Variants in PLEKHH1 observed in about 807,000 individuals in gnomAD.
PLEKHH1 encodes the protein pleckstrin homology domain-containing family H member 1.
PLEKHH1 carries 104 observed loss-of-function variants against 160.0 expected under a neutral mutation model. That is an observed-to-expected ratio of 0.65 (90% CI 0.55 to 0.76). The LOEUF is 0.76. Ranked by LOEUF, PLEKHH1 falls within the 30% of genes least tolerant of loss-of-function variation. PLEKHH1 has a pLI of 0.00. For synonymous variants in PLEKHH1, 619 were observed against 678.4 expected, an observed-to-expected ratio of 0.91 and a Z score of 1.36; for missense variants, 1,427 against 1,724.1, an observed-to-expected ratio of 0.83 and a Z score of 3.05.
In PLEKHH1 at chr14:67,562,408, G is replaced by A. The variant is rs2034882260; in HGVS notation, c.777G>A (p.Leu259=). ...TVEAKPLQPH[L]GRESPPHQPC... ...AGGCCAAGCCCCTTCAACCTCATCT[G>A]GGAAGAGAGAGCCCTCCCCACCAGC... The change falls in exon 7 of 29, where the codon CTG becomes CTA. Residue 259 remains leucine, a synonymous_variant. Coordinates refer to ENST00000329153, the MANE Select transcript of PLEKHH1 (RefSeq NM_020715.3). The A allele has an allele frequency of 5.6e-6, 9 of 1,613,760 alleles. No individual in the cohort carries two copies. The highest frequency in any genetic ancestry group is 7.6e-6 in the Non-Finnish European group (9 of 1,179,772).
rs1349444282 is a variant in PLEKHH1 at position 67,585,936 on chromosome 14, G to C, written c.3787-15G>C. 3.7e-6 allele frequency: 6 copies of C among 1,606,412 alleles called. No individual in the cohort carries two copies. In the African/African-American group the frequency reaches 4.0e-5, roughly 11 times the overall value. ...GTGGAAAGTTTCCCCACAACTGACT[G>C]GTTCCTTTCCACAGCAAGTGCACAT... On this transcript the variant is annotated splice_polypyrimidine_tract_variant and intron_variant, in intron 27 of 28. Coordinates refer to ENST00000329153, the MANE Select transcript of PLEKHH1 (RefSeq NM_020715.3).
At chr14:67,572,655 C>T (rs2035445174) in intron 11 of PLEKHH1, among the ~76,000 whole-genome samples, 1 of 152,188 alleles carries the variant, frequency 6.6e-6, no homozygotes, top group African/African-American at 2.4e-5. Flanking sequence ...GGCATTGTCT[C>T]ATTTGTCCTC....
intron 1 of PLEKHH1, 174 bp downstream of exon 1, chr14:67,533,572 T>G (rs974534536): frequency 6.6e-6 from 1 of 151,690 alleles, no homozygotes; most frequent in African/African-American, 2.4e-5. Context: ...GGGTCTGGCT[T>G]GGGAAGCCGG....
At chr14:67,567,153 C>G (rs576962676) in intron 7 of PLEKHH1, among the ~76,000 whole-genome samples, 6 of 151,004 alleles carry the variant, frequency 4.0e-5, no homozygotes, top group Non-Finnish European at 7.4e-5. Context: ...TTCCGTGTTC[C>G]GGGGAGAGCT....
chr14:67,537,841 C>T (rs1219454641), intron 1 of PLEKHH1, among the ~76,000 whole-genome samples: 1 of 152,182 alleles, frequency 6.6e-6, no homozygotes, highest in Non-Finnish European at 1.5e-5. Context: ...CAGCCCCTGC[C>T]TCTGGGGCAT....
chr14:67,574,991 C>G lies in PLEKHH1; in HGVS notation c.2089-401C>G, dbSNP rs1437822207. Among the ~76,000 whole-genome samples, 1 of 152,216 alleles carries G rather than the reference C, an allele frequency of 6.6e-6. No individual in the cohort carries two copies. The highest frequency in any genetic ancestry group is 1.5e-5 in the Non-Finnish European group (1 of 68,034). On this transcript the variant is annotated intron_variant, in intron 14 of 28. Coordinates refer to ENST00000329153, the MANE Select transcript of PLEKHH1 (RefSeq NM_020715.3). The surrounding 1 kb of genome is among the most constrained non-coding windows in gnomAD (Gnocchi z 4.2). ...CGTTCAATCTGTTTATGTCATTCTC[C>G]TTCGCCCGTGTGCAGCTTCTGTTCC...
Position 67,577,348 on chromosome 14 carries a change from C to T in PLEKHH1, c.2508C>T (p.Gly836=). The change falls in exon 18 of 29, where the codon GGC becomes GGT. Residue 836 remains glycine, a synonymous_variant. Transcript: ENST00000329153. ...RHPMLCYSKD[G]LYASLTTLPS... is the part of the protein sequence containing the mutation. ...CCATGCTGTGCTACAGCAAAGACGGCCTATACGCCTCCCTCACCACCCTGC... is the reference window on the plus strand; with the variant it reads ...CCATGCTGTGCTACAGCAAAGACGGTCTATACGCCTCCCTCACCACCCTGC... 6.3e-7 allele frequency: 1 copy of T among 1,586,360 alleles called. No homozygotes were observed. Among genetic ancestry groups the T allele is most frequent in the Non-Finnish European group, 8.6e-7 (1 of 1,166,844 alleles).
intron 7 of PLEKHH1, 79 bp downstream of exon 7, chr14:67,562,973 G>C (rs1053848306): frequency 1.4e-6 from 2 of 1,423,604 alleles, no homozygotes; most frequent in Non-Finnish European, 1.9e-6. Context: ...GCCATGCACT[G>C]AGCAGGAGAG....
chr14:67,575,309 C>A, intron 14 of PLEKHH1, 83 bp from the exon 15 acceptor site: 1 of 784,344 alleles, frequency 1.3e-6, no homozygotes, highest in Non-Finnish European at 2.1e-6. Context: ...AAATCTGTCT[C>A]CCTGTGGCTT....
intron 5 of PLEKHH1, among the ~76,000 whole-genome samples, chr14:67,559,941 T>C (rs556545841): frequency 6.6e-6 from 1 of 152,346 alleles, no homozygotes; most frequent in Non-Finnish European, 1.5e-5. Flanking sequence ...GGAATGTGTC[T>C]CACTTCTGAA....
intron 28 of PLEKHH1, 174 bp downstream of exon 28, chr14:67,586,271 A>C: frequency 9.2e-7 from 1 of 1,085,544 alleles, no homozygotes; most frequent in Non-Finnish European, 1.4e-6. Flanking sequence ...TCTCCGTATC[A>C]ATGTTCAGCT....
intron 5 of PLEKHH1, among the ~76,000 whole-genome samples, chr14:67,560,813 C>T (rs2034805034): frequency 6.6e-6 from 1 of 151,148 alleles, no homozygotes; most frequent in Non-Finnish European, 1.5e-5. Flanking sequence ...TCTCTGCAAC[C>T]TCTGCCTCCT....
chr14:67,549,985 T>A (rs139430841), intron 2 of PLEKHH1, among the ~76,000 whole-genome samples: 1 of 152,280 alleles, frequency 6.6e-6, no homozygotes, highest in East Asian at 1.9e-4. Context: ...CATTCACCTG[T>A]CTTTCTAGTG....
At chr14:67,577,925 T>C in intron 18 of PLEKHH1, 98 bp from the exon 19 acceptor site, 1 of 1,132,314 alleles carries the variant, frequency 8.8e-7, no homozygotes, top group Non-Finnish European at 1.3e-6. Context: ...GTCAGTAAAC[T>C]CTAACCTCCC....
chr14:67,576,132 T>A lies in PLEKHH1; in HGVS notation c.2352+127T>A. ...TTTTGGACACTTTGGCAACTAATAT[T>A]CTCTGAATGGGAATATTCCTTTATA... On this transcript the variant is annotated intron_variant, in intron 16 of 28. Transcript: ENST00000329153. The surrounding 1 kb of genome is among the most constrained non-coding windows in gnomAD (Gnocchi z 4.0). 1.4e-6 allele frequency: 1 copy of A among 714,290 alleles called. No homozygotes were observed. The highest frequency in any genetic ancestry group is 1.9e-5 in the South Asian group (1 of 51,800). The allele number at this position is 714,290 out of a possible 1,614,324, so 44.2% of individuals were successfully genotyped here.
At chr14:67,575,136 G>T (rs1340428948) in intron 14 of PLEKHH1, among the ~76,000 whole-genome samples, 1 of 152,112 alleles carries the variant, frequency 6.6e-6, no homozygotes, top group African/African-American at 2.4e-5. Flanking sequence ...TATGCCTGGA[G>T]GGGACATCTG....
chr14:67,559,525 G>A lies in PLEKHH1; in HGVS notation c.340-83G>A, dbSNP rs111864995. On this transcript the variant is annotated intron_variant, in intron 4 of 28. Coordinates refer to ENST00000329153, the MANE Select transcript of PLEKHH1 (RefSeq NM_020715.3). ...GCGAGGTCAGTGGCACGCACACTTG[G>A]CCTTTCTTGGGGTTTCCCACCTCCA... 6.3e-5 allele frequency: 56 copies of A among 891,584 alleles called. 1 individual carries two copies. The Middle Eastern group carries it at 1.1e-3, about 18-fold the overall frequency. 55.2% of individuals were successfully genotyped at this position (891,584 alleles called of 1,614,324 possible).
intron 2 of PLEKHH1, among the ~76,000 whole-genome samples, chr14:67,546,423 C>A (rs984065728): frequency 2.0e-5 from 3 of 152,046 alleles, no homozygotes; most frequent in Non-Finnish European, 4.4e-5. Flanking sequence ...GTTTTTGAGA[C>A]AAAGTTTCTC....
intron 23 of PLEKHH1, 91 bp downstream of exon 23, chr14:67,581,129 C>CG (rs2140526781): frequency 6.2e-6 from 5 of 802,390 alleles, no homozygotes; most frequent in South Asian, 5.8e-5. Context: ...CCTATCCAGA[C>CG]GGGGGGAGGG....
Sources: gnomAD v4.1 joint callset for allele counts (sites outside exome capture counted in the v4.1 genomes callset) on GRCh38, gnomAD v4.1.1 for gene constraint, Gnocchi (gnomAD v3.1) non-coding constraint, MANE v1.5 for transcripts, NCBI Gene and HGNC (gene_info 2026-07-23, HGNC 2026-07-21) for gene names.